The following KSR2 variants were observed in gnomAD, a reference collection of about 807,000 sequenced individuals.
KSR2 encodes kinase suppressor of ras 2.
A neutral mutation model predicts 107.8 loss-of-function variants in KSR2; 25 were observed. That is an observed-to-expected ratio of 0.23 (90% CI 0.17 to 0.32). The LOEUF is 0.32. Ranked by LOEUF, KSR2 falls within the 10% of genes least tolerant of loss-of-function variation. KSR2 has a pLI of 1.00. For synonymous variants in KSR2, 480 were observed against 507.0 expected (o/e 0.95, Z 0.71); for missense variants, 887 against 1,268.9 (o/e 0.70, Z 4.57).
At chr12:117,809,053 G>A (rs1357536890) in intron 3 of KSR2, among the ~76,000 whole-genome samples, 1 of 152,036 alleles carries the variant, frequency 6.6e-6, no homozygotes, top group African/African-American at 2.4e-5. Context: ...ACCATGTGGA[G>A]CAGACTCCCC....
chr12:117,627,438 T>C (rs1032939809), intron 5 of KSR2, among the ~76,000 whole-genome samples: 5 of 152,308 alleles, frequency 3.3e-5, no homozygotes, highest in Admixed American at 2.0e-4. Flanking sequence ...CGTAAAGGAT[T>C]TTATTTCTCC....
chr12:117,604,208 C>T (rs753937463), intron 5 of KSR2, among the ~76,000 whole-genome samples: 6 of 152,132 alleles, frequency 3.9e-5, no homozygotes, highest in Admixed American at 1.3e-4. Flanking sequence ...TAGGTATATT[C>T]GGCCACCCCA....
intron 9 of KSR2, among the ~76,000 whole-genome samples, chr12:117,552,746 C>T (rs1356449028): frequency 6.6e-6 from 1 of 152,190 alleles, no homozygotes; most frequent in Non-Finnish European, 1.5e-5. Flanking sequence ...CATGACTACT[C>T]AACTCTGACA....
intron 5 of KSR2, among the ~76,000 whole-genome samples, chr12:117,655,148 CACTT>C: frequency 6.6e-6 from 1 of 152,312 alleles, no homozygotes; most frequent in Non-Finnish European, 1.5e-5. Flanking sequence ...CTGGAATAGA[CACTT>C]ACTCCAGATA....
intron 1 of KSR2, among the ~76,000 whole-genome samples, chr12:117,894,395 T>C (rs563526810): frequency 2.0e-4 from 31 of 152,280 alleles, no homozygotes; most frequent in Non-Finnish European, 3.8e-4. Flanking sequence ...CTGGGCACAG[T>C]GGTTCATCCC....
intron 4 of KSR2, among the ~76,000 whole-genome samples, chr12:117,716,553 T>TTATTAAAACCAACTTCAACTG (rs1362185474): frequency 3.9e-5 from 6 of 152,244 alleles, no homozygotes; most frequent in Non-Finnish European, 7.3e-5. Flanking sequence ...ATAAAATAAA[T>TTATTAAAACCAACTTCAACTG]TATTAAAACC....
At chr12:117,729,631 G>A (rs545718782) in intron 4 of KSR2, among the ~76,000 whole-genome samples, 4 of 152,142 alleles carry the variant, frequency 2.6e-5, no homozygotes, top group South Asian at 4.2e-4. Context: ...ACTGACAGTC[G>A]GCTTCCAATG....
At chr12:117,520,635 G>A (rs147389662) in intron 14 of KSR2, among the ~76,000 whole-genome samples, 44 of 152,278 alleles carry the variant, frequency 2.9e-4, no homozygotes, top group Admixed American at 2.0e-4. Context: ...TTAAACTGTC[G>A]TTGCCTTTGC....
At chr12:117,601,151 A>T (rs1263440527) in intron 5 of KSR2, among the ~76,000 whole-genome samples, 1 of 152,156 alleles carries the variant, frequency 6.6e-6, no homozygotes, top group Non-Finnish European at 1.5e-5. Flanking sequence ...TCCTCATAGG[A>T]TCAACCAAGT....
intron 3 of KSR2, among the ~76,000 whole-genome samples, chr12:117,794,235 A>ACTCACACCAACATG (rs1264907087): frequency 9.4e-6 from 1 of 106,364 alleles, no homozygotes; most frequent in African/African-American, 4.4e-5. Context: ...ACCAACATGC[A>ACTCACACCAACATG]CACTCACACC....
chr12:117,545,662 TTC>T (rs1876806030), intron 9 of KSR2, among the ~76,000 whole-genome samples: 2 of 152,192 alleles, frequency 1.3e-5, no homozygotes, highest in African/African-American at 4.8e-5. Context: ...AATCAGAGTT[TTC>T]TCTTTGTTGG....
At chr12:117,740,413 T>C (rs1235291840) in intron 4 of KSR2, among the ~76,000 whole-genome samples, 1 of 132,072 alleles carries the variant, frequency 7.6e-6, no homozygotes, top group African/African-American at 2.7e-5. Flanking sequence ...ACTATATACA[T>C]ATATTATATA....
rs76710656 is a variant in KSR2, at chr12:117,819,813, C to T, written c.472+35615G>A. Among the ~76,000 whole-genome samples the T allele has an allele frequency of 9.7e-3, 1,469 of 151,680 alleles. 27 individuals carry two copies. Among genetic ancestry groups the T allele is most frequent in the African/African-American group, 0.034 (1,414 of 41,308 alleles). On this transcript the variant is annotated intron_variant, in intron 3 of 19. Transcript: ENST00000339824. ...AAGGAAACAGGGTATAGCTATTAAG[C>T]GTGATATTTTCAAAAATTAATGACA...
At chr12:117,618,696 A>T (rs1179078159) in intron 5 of KSR2, among the ~76,000 whole-genome samples, 1 of 152,034 alleles carries the variant, frequency 6.6e-6, no homozygotes, top group South Asian at 2.1e-4. Context: ...AACCCCTTTC[A>T]TTTGGTTCTC....
rs1407196342 is a variant in KSR2 at position 117,756,398 on chromosome 12, C to T, written c.986+4613G>A. ...AAAATTCTAGGGCTCTTACGAATTA[C>T]GCTAAATCTACTCTGCCCGTACTTT... On this transcript the variant is annotated intron_variant, in intron 4 of 19. Transcript: ENST00000339824. 3.9e-5 allele frequency among the ~76,000 whole-genome samples: 6 copies of T among 152,162 alleles called. 1 individual carries two copies. Among genetic ancestry groups the T allele is most frequent in the Admixed American group, 6.5e-5 (1 of 15,280 alleles).
chr12:117,570,623 T>C (rs1878822532), intron 7 of KSR2, among the ~76,000 whole-genome samples: 1 of 152,250 alleles, frequency 6.6e-6, no homozygotes, highest in South Asian at 2.1e-4. Context: ...TGTTTCTTTT[T>C]ATACTTTGCA....
At chr12:117,731,405 C>G (rs1300061699) in intron 4 of KSR2, among the ~76,000 whole-genome samples, 1 of 148,534 alleles carries the variant, frequency 6.7e-6, no homozygotes, top group Admixed American at 6.6e-5. Flanking sequence ...CCGCCCCGTC[C>G]GGGAGGGAGG....
intron 1 of KSR2, among the ~76,000 whole-genome samples, chr12:117,918,993 G>C (rs1895265587): frequency 6.6e-6 from 1 of 151,766 alleles, no homozygotes; most frequent in Non-Finnish European, 1.5e-5. Flanking sequence ...AAATTAGCTG[G>C]GTGTGGTGGT....
intron 9 of KSR2, among the ~76,000 whole-genome samples, chr12:117,548,079 A>G (rs1483585920): frequency 6.6e-6 from 1 of 150,916 alleles, no homozygotes; most frequent in Non-Finnish European, 1.5e-5. Context: ...CCTGGGTGAC[A>G]GTGAGACTCC....
Sources: gnomAD v4.1 joint callset for allele counts (sites outside exome capture counted in the v4.1 genomes callset) on GRCh38, gnomAD v4.1.1 for gene constraint, MANE v1.5 for transcripts, NCBI Gene and HGNC (gene_info 2026-07-23, HGNC 2026-07-21) for gene names.